SLC30A7: variants seen among roughly 807,000 people sequenced by gnomAD.
SLC30A7 encodes the protein zinc transporter 7.
Under a neutral mutation model 46.0 loss-of-function variants are expected in SLC30A7, and 35 were observed. The observed-to-expected ratio is 0.76, with a 90% CI of 0.58 to 1.01. The LOEUF is 1.01. SLC30A7 is among the 50% of genes least tolerant of loss of function. The probability of loss-of-function intolerance (pLI) is 0.00; values close to 1 mark genes in which losing one functional copy is unlikely to be tolerated. For missense variants in SLC30A7, 464 were observed against 451.1 expected, an observed-to-expected ratio of 1.03 and a Z score of -0.26; for synonymous variants, 147 against 157.8, an observed-to-expected ratio of 0.93 and a Z score of 0.51.
At chr1:100,993,887 C>T in the SLC30A7 span, among the ~76,000 whole-genome samples, 1 of 151,444 alleles carries the variant, frequency 6.6e-6, no homozygotes, top group Admixed American at 6.6e-5. Flanking sequence ...ATTACAGGTG[C>T]CTGCCACCAT....
At chr1:100,939,847 TAAA>T (rs573295797) in intron 8 of SLC30A7, among the ~76,000 whole-genome samples, 1 of 137,288 alleles carries the variant, frequency 7.3e-6, no homozygotes, top group Non-Finnish European at 1.6e-5. Flanking sequence ...AGACTCCGTC[TAAA>T]AAAAAAAAAA....
At position 100,979,667 on chromosome 1, in the gene SLC30A7, A is replaced by C. The variant is rs1402478101; in HGVS notation, c.*4810A>C. The C allele has an allele frequency of 6.6e-6, 1 of 152,150 alleles. No homozygotes were observed. Among genetic ancestry groups the C allele is most frequent in the Non-Finnish European group, 1.5e-5 (1 of 67,978 alleles). The allele number at this position is 152,150 out of a possible 1,614,324, so 9.4% of individuals were successfully genotyped here. A position where few individuals can be genotyped will look rare whatever the true frequency, so the allele number is the denominator to read the frequency against. On this transcript the variant is annotated 3_prime_UTR_variant, in exon 11 of 11. Coordinates refer to ENST00000357650, the MANE Select transcript of SLC30A7 (RefSeq NM_133496.5). The stretch of plus-strand genomic sequence containing the variant: ...AATTTCTACAAAGGAATAATTTTGC[A>C]TGATTTTATGATTGACGGAGCATTT...
chr1:100,949,303 C>T (rs143609060), intron 8 of SLC30A7, among the ~76,000 whole-genome samples: 1 of 152,178 alleles, frequency 6.6e-6, no homozygotes, highest in Non-Finnish European at 1.5e-5. Context: ...TGTAGGTCCA[C>T]TCCAGACCCT....
intron 8 of SLC30A7, among the ~76,000 whole-genome samples, chr1:100,946,733 G>T (rs1654663582): frequency 6.6e-6 from 1 of 152,138 alleles, no homozygotes; most frequent in Admixed American, 6.5e-5. Flanking sequence ...TAAAGATATT[G>T]TTCCAAAATT....
chr1:100,950,987 T>C (rs1159166029), intron 8 of SLC30A7, among the ~76,000 whole-genome samples: 1 of 152,110 alleles, frequency 6.6e-6, no homozygotes, highest in Non-Finnish European at 1.5e-5. Flanking sequence ...AGTTGCTGAG[T>C]AACTCGGGGA....
At chr1:100,958,222 G>A (rs1655335523) in intron 8 of SLC30A7, among the ~76,000 whole-genome samples, 1 of 151,986 alleles carries the variant, frequency 6.6e-6, no homozygotes, top group East Asian at 1.9e-4. Flanking sequence ...TGTCACCCAG[G>A]CTGGAGTGCA....
At chr1:100,974,296 G>C (rs1656332108) in intron 10 of SLC30A7, among the ~76,000 whole-genome samples, 1 of 152,176 alleles carries the variant, frequency 6.6e-6, no homozygotes, top group African/African-American at 2.4e-5. Context: ...TGATCTAGTT[G>C]AGAGGAAGTA....
At chr1:100,914,306 A>AT (rs1210354475) in intron 6 of SLC30A7, among the ~76,000 whole-genome samples, 1 of 152,124 alleles carries the variant, frequency 6.6e-6, no homozygotes, top group Non-Finnish European at 1.5e-5. Context: ...TCATTCAACT[A>AT]TTTTTTTGTA....
At chr1:100,970,400 T>A (rs1327198390) in intron 10 of SLC30A7, among the ~76,000 whole-genome samples, 1 of 152,148 alleles carries the variant, frequency 6.6e-6, no homozygotes, top group Non-Finnish European at 1.5e-5. Flanking sequence ...CAATATCCTT[T>A]TTAATTTCAT....
chr1:100,990,809 A>AAAT, the SLC30A7 span, among the ~76,000 whole-genome samples: 6 of 152,346 alleles, frequency 3.9e-5, no homozygotes, highest in East Asian at 1.2e-3. Flanking sequence ...AATCATTTGT[A>AAAT]TTACCTAATA....
chr1:100,968,872 CTG>C (rs962652891), intron 10 of SLC30A7, among the ~76,000 whole-genome samples: 7 of 152,092 alleles, frequency 4.6e-5, no homozygotes, highest in African/African-American at 7.2e-5. Context: ...ATTTTAAAAA[CTG>C]TATTTGATTA....
chr1:100,972,862 T>G (rs1430092850), intron 10 of SLC30A7, among the ~76,000 whole-genome samples: 1 of 152,062 alleles, frequency 6.6e-6, no homozygotes, highest in Admixed American at 6.6e-5. Context: ...GTAACAATTG[T>G]GTGAGATTAG....
chr1:100,896,751 C>G (rs1650984455), intron 2 of SLC30A7, 80 bp downstream of exon 2: 4 of 1,212,892 alleles, frequency 3.3e-6, no homozygotes, highest in Non-Finnish European at 4.8e-6. Flanking sequence ...CCACGTAGCT[C>G]CTCACTAGGA....
At chr1:100,912,259 T>C (rs1652154398) in intron 5 of SLC30A7, 21 bp downstream of exon 5, 2 of 1,603,204 alleles carry the variant, frequency 1.2e-6, no homozygotes, top group Non-Finnish European at 1.7e-6. Context: ...TAGGACACTT[T>C]GTTTCTTCAT....
chr1:100,951,438 T>C (rs778432006), intron 8 of SLC30A7, among the ~76,000 whole-genome samples: 58 of 152,152 alleles, frequency 3.8e-4, no homozygotes, highest in Admixed American at 2.0e-4. Context: ...ATCCACAAAT[T>C]ATACTAACAT....
the SLC30A7 span, chr1:100,992,608 TATG>T: frequency 1.3e-6 from 2 of 1,513,920 alleles, no homozygotes; most frequent in Middle Eastern, 3.4e-4. Flanking sequence ...AGAGGAATAA[TATG>T]AGAGCCCTTC....
At chr1:100,950,119 T>C (rs1654880896) in intron 8 of SLC30A7, among the ~76,000 whole-genome samples, 1 of 152,102 alleles carries the variant, frequency 6.6e-6, no homozygotes, top group Non-Finnish European at 1.5e-5. Context: ...GCTGCAGTGG[T>C]TCTTTAGTTT....
intron 8 of SLC30A7, among the ~76,000 whole-genome samples, chr1:100,945,261 CT>C (rs1654563536): frequency 6.6e-6 from 1 of 152,144 alleles, no homozygotes; most frequent in African/African-American, 2.4e-5. Context: ...ACGGTAGTTT[CT>C]TTTGCTGTGC....
intron 8 of SLC30A7, chr1:100,941,836 T>A: frequency 3.9e-6 from 2 of 514,086 alleles, no homozygotes; most frequent in South Asian, 3.2e-5. Context: ...CTGGAGTGCC[T>A]GGTGTTTGGA....
Sources: gnomAD v4.1 joint callset for allele counts (sites outside exome capture counted in the v4.1 genomes callset) on GRCh38, gnomAD v4.1.1 for gene constraint, MANE v1.5 for transcripts, NCBI Gene and HGNC (gene_info 2026-07-23, HGNC 2026-07-21) for gene names.